The following MTMR7 variants were observed in gnomAD, a reference collection of about 807,000 sequenced individuals.
The protein encoded by MTMR7 is phosphatidylinositol-3-phosphate phosphatase MTMR7.
MTMR7 carries 76 observed loss-of-function variants against 81.2 expected under a neutral mutation model. The observed-to-expected ratio is 0.94, with a 90% CI of 0.78 to 1.13. The LOEUF is 1.13. MTMR7 is among the 50% of genes most tolerant of loss of function. The pLI is 0.00. For synonymous variants in MTMR7, 372 were observed against 289.8 expected (o/e 1.28, Z -2.88); for missense variants, 1,044 against 820.0 (o/e 1.27, Z -3.34).
chr8:17,345,587 C>A (rs370946824), intron 5 of MTMR7, among the ~76,000 whole-genome samples: 1 of 152,218 alleles, frequency 6.6e-6, no homozygotes, highest in East Asian at 1.9e-4. Context: ...AGCAGGAATC[C>A]CTCCCTCACC....
At chr8:17,357,884 T>C (rs1384694611) in intron 4 of MTMR7, among the ~76,000 whole-genome samples, 1 of 151,208 alleles carries the variant, frequency 6.6e-6, no homozygotes, top group East Asian at 1.9e-4. Flanking sequence ...AAGTGTGCCA[T>C]AAGAAATAAA....
At chr8:17,389,960 C>A (rs1821053641) in intron 1 of MTMR7, among the ~76,000 whole-genome samples, 1 of 151,648 alleles carries the variant, frequency 6.6e-6, no homozygotes, top group Admixed American at 6.6e-5. Context: ...CTGTACCAGA[C>A]ATAGAGTGTT....
chr8:17,330,579 T>C (rs754973044), intron 7 of MTMR7, among the ~76,000 whole-genome samples: 3 of 152,218 alleles, frequency 2.0e-5, no homozygotes, highest in Non-Finnish European at 4.4e-5. Context: ...ACATAATCCA[T>C]CTCTTTAATT....
chr8:17,349,178 C>A, intron 4 of MTMR7, 97 bp from the exon 5 acceptor site: 1 of 1,414,080 alleles, frequency 7.1e-7, no homozygotes. Flanking sequence ...CAGGTACATC[C>A]TTAAGTTCCC....
intron 1 of MTMR7, among the ~76,000 whole-genome samples, chr8:17,375,660 C>A (rs768511633): frequency 6.6e-6 from 1 of 152,078 alleles, no homozygotes; most frequent in Non-Finnish European, 1.5e-5. Flanking sequence ...AGGCTAGTAG[C>A]CCAAGGCCCA....
rs1586114817 is a variant in MTMR7 at position 17,298,047 on chromosome 8, A to G, written c.*1815T>C. 6.6e-6 allele frequency: 1 copy of G among 152,184 alleles called. No homozygotes were observed. Among genetic ancestry groups the G allele is most frequent in the African/African-American group, 2.4e-5 (1 of 41,564 alleles). 9.4% of individuals were successfully genotyped at this position (152,184 alleles called of 1,614,324 possible). ...ATAGATACTTTGTCATTTTTTAAAA[A>G]ATGTTTATTGTTTTTATAGACATAC... On this transcript the variant is annotated 3_prime_UTR_variant, in exon 14 of 14. Transcript: ENST00000180173.
At chr8:17,370,001 G>C (rs893536452) in intron 3 of MTMR7, among the ~76,000 whole-genome samples, 7 of 151,972 alleles carry the variant, frequency 4.6e-5, no homozygotes, top group Non-Finnish European at 1.0e-4. Flanking sequence ...ACACAGAGAG[G>C]CAAGAAACAC....
At chr8:17,384,067 G>C (rs1284977675) in intron 1 of MTMR7, among the ~76,000 whole-genome samples, 2 of 152,276 alleles carry the variant, frequency 1.3e-5, no homozygotes, top group South Asian at 4.1e-4. Context: ...GTAACTAACT[G>C]CATGTGTGAG....
At chr8:17,376,630 C>T (rs1820598839) in intron 1 of MTMR7, among the ~76,000 whole-genome samples, 1 of 152,092 alleles carries the variant, frequency 6.6e-6, no homozygotes, top group Admixed American at 6.6e-5. Context: ...TTATAGTCAT[C>T]CTAATATGCG....
Position 17,299,744 on chromosome 8 carries a change from A to G in MTMR7, c.*118T>C, listed in dbSNP as rs1816976802. 7.0e-7 allele frequency: 1 copy of G among 1,420,446 alleles called. No individual in the cohort carries two copies. The highest frequency in any genetic ancestry group is 9.6e-7 in the Non-Finnish European group (1 of 1,046,566). 88.0% of individuals were successfully genotyped at this position (1,420,446 alleles called of 1,614,324 possible). On this transcript the variant is annotated 3_prime_UTR_variant, in exon 14 of 14. Transcript: ENST00000180173. Reference sequence around the variant, plus strand: ...CACTTTTTTCCCTTTTCATAGCTGCATTAAAGTAGTTCTCAATGACATGCA... The same window carrying G: ...CACTTTTTTCCCTTTTCATAGCTGCGTTAAAGTAGTTCTCAATGACATGCA...
chr8:17,354,856 T>G (rs1048454940), intron 4 of MTMR7, among the ~76,000 whole-genome samples: 1 of 152,192 alleles, frequency 6.6e-6, no homozygotes. Context: ...TAGTGACAAA[T>G]CAGGATACAT....
chr8:17,356,771 C>T (rs1260752689), intron 4 of MTMR7, among the ~76,000 whole-genome samples: 1 of 152,052 alleles, frequency 6.6e-6, no homozygotes, highest in African/African-American at 2.4e-5. Flanking sequence ...ATTAAATCCA[C>T]AGAATAAATT....
chr8:17,358,124 C>G (rs935449845), intron 4 of MTMR7, among the ~76,000 whole-genome samples: 2 of 151,740 alleles, frequency 1.3e-5, no homozygotes, highest in African/African-American at 4.8e-5. Flanking sequence ...AGTATTTTAC[C>G]GCAAAAAAGA....
chr8:17,298,074 C>G lies in MTMR7; in HGVS notation c.*1788G>C, dbSNP rs1312670777. ...TGTTTATTGTTTTTATAGACATACA[C>G]TGTCAAACGGAAGAAATTAAAGCCA... On this transcript the variant is annotated 3_prime_UTR_variant, in exon 14 of 14. Coordinates refer to ENST00000180173, the MANE Select transcript of MTMR7 (RefSeq NM_004686.5). The G allele has an allele frequency of 6.6e-6, 1 of 152,010 alleles. No homozygotes were observed. Among genetic ancestry groups the G allele is most frequent in the Admixed American group, 6.5e-5 (1 of 15,268 alleles). 9.4% of individuals were successfully genotyped at this position (152,010 alleles called of 1,614,324 possible). A position where few individuals can be genotyped will look rare whatever the true frequency, so the allele number is the denominator to read the frequency against.
At chr8:17,380,115 C>A (rs1309211405) in intron 1 of MTMR7, among the ~76,000 whole-genome samples, 2 of 152,114 alleles carry the variant, frequency 1.3e-5, no homozygotes, top group African/African-American at 4.8e-5. Context: ...TGTGAAAATG[C>A]AAACCTCCAT....
rs3216865 is a variant in MTMR7, at chr8:17,297,556, C to CTATTATT, written c.*2305_*2306insAATAATA. ...GCTGGGTCATGGTCAAAATTCTTAC[C>CTATTATT]TATTTATTTCATATCAACTTTAAAA... On this transcript the variant is annotated 3_prime_UTR_variant, in exon 14 of 14. Coordinates refer to ENST00000180173, the MANE Select transcript of MTMR7 (RefSeq NM_004686.5). 6.6e-6 allele frequency: 1 copy of CTATTATT among 151,690 alleles called. No homozygotes were observed. The highest frequency in any genetic ancestry group is 2.4e-5 in the African/African-American group (1 of 41,388). 9.4% of individuals were successfully genotyped at this position (151,690 alleles called of 1,614,324 possible). A position where few individuals can be genotyped will look rare whatever the true frequency, so the allele number is the denominator to read the frequency against.
At chr8:17,383,747 CTT>C (rs1820836132) in intron 1 of MTMR7, among the ~76,000 whole-genome samples, 1 of 151,546 alleles carries the variant, frequency 6.6e-6, no homozygotes, top group Admixed American at 6.6e-5. Context: ...GCTCATTTCT[CTT>C]GTCTGGAGGG....
At chr8:17,394,572 T>C (rs1361817591) in intron 1 of MTMR7, among the ~76,000 whole-genome samples, 1 of 152,170 alleles carries the variant, frequency 6.6e-6, no homozygotes, top group Non-Finnish European at 1.5e-5. Flanking sequence ...ACCAGGTTTC[T>C]TTTTGGGGTG....
intron 1 of MTMR7, among the ~76,000 whole-genome samples, chr8:17,391,091 C>G (rs6986518): frequency 0.35 from 53,952 of 152,010 alleles, 9,852 homozygotes; most frequent in Non-Finnish European, 0.41. Context: ...AATGACAAGA[C>G]CCTGGGCAGG....
Sources: gnomAD v4.1 joint callset for allele counts (sites outside exome capture counted in the v4.1 genomes callset) on GRCh38, gnomAD v4.1.1 for gene constraint, MANE v1.5 for transcripts, NCBI Gene and HGNC (gene_info 2026-07-23, HGNC 2026-07-21) for gene names.